Variants in CAMTA1 observed in about 807,000 individuals in gnomAD.
CAMTA1 encodes calmodulin binding transcription activator 1.
In CAMTA1, 27 loss-of-function variants were observed where a neutral mutation model predicts 170.9. The ratio of observed to expected loss-of-function variants is 0.16; its 90% CI spans 0.12 to 0.22. The LOEUF is 0.22. Among genes scored for constraint, CAMTA1 ranks in the 10% least tolerant of loss-of-function variants. CAMTA1 has a pLI of 1.00. For synonymous variants in CAMTA1, 833 were observed against 891.5 expected, an observed-to-expected ratio of 0.93 and a Z score of 1.17; for missense variants, 1,619 against 2,217.2, an observed-to-expected ratio of 0.73 and a Z score of 5.42.
rs367594577 is a variant in CAMTA1 at position 7,745,909 on chromosome 1, G to T, written c.4435G>T (p.Val1479Phe). 2 of 1,614,150 alleles carry T rather than the reference G, an allele frequency of 1.2e-6. No homozygotes were observed. The highest frequency in any genetic ancestry group is 1.7e-6 in the Non-Finnish European group (2 of 1,180,026). The change falls in exon 18 of 23, where the codon GTC becomes TTC. Residue 1479 changes from valine (V) to phenylalanine (F), a missense_variant. Transcript: ENST00000303635. ...NTSLSPVGSP[V>F]SEIAFEKPNL... is the part of the protein sequence containing the mutation. ...CAGCTTGAGCCCTGTTGGCTCTCCC[G>T]TCAGTGAAATCGCTTTCGAGAAACC...
intron 4 of CAMTA1, among the ~76,000 whole-genome samples, chr1:7,164,215 A>G (rs1647888365): frequency 6.6e-6 from 1 of 152,228 alleles, no homozygotes; most frequent in Non-Finnish European, 1.5e-5. Context: ...GGCAAATAAC[A>G]AGGCATGCAA....
At chr1:7,323,135 C>A (rs1320407691) in intron 5 of CAMTA1, among the ~76,000 whole-genome samples, 3 of 151,718 alleles carry the variant, frequency 2.0e-5, no homozygotes, top group Admixed American at 6.6e-5. Flanking sequence ...AAAAAATTAA[C>A]CTTAAAGTAT....
chr1:6,955,704 C>T (rs919702753), intron 3 of CAMTA1, among the ~76,000 whole-genome samples: 9 of 152,126 alleles, frequency 5.9e-5, no homozygotes, highest in Non-Finnish European at 1.0e-4. Context: ...GTAAGATGTT[C>T]ACGGGGCTTA....
intron 5 of CAMTA1, among the ~76,000 whole-genome samples, chr1:7,441,835 A>G (rs766647462): frequency 1.3e-5 from 2 of 152,194 alleles, no homozygotes; most frequent in African/African-American, 2.4e-5. Flanking sequence ...GCCCTGCAGC[A>G]TGGTAGGATC....
chr1:7,240,589 T>A (rs1446594861), intron 4 of CAMTA1, among the ~76,000 whole-genome samples: 1 of 150,060 alleles, frequency 6.7e-6, no homozygotes. Flanking sequence ...TGGTGCTATC[T>A]CGGTTCACTG....
At chr1:6,989,568 C>G (rs769283722) in intron 3 of CAMTA1, among the ~76,000 whole-genome samples, 1 of 152,116 alleles carries the variant, frequency 6.6e-6, no homozygotes, top group Non-Finnish European at 1.5e-5. Context: ...GAGAACTCAC[C>G]GTTCAAGGTA....
chr1:6,946,057 A>G (rs1316294203), intron 3 of CAMTA1, among the ~76,000 whole-genome samples: 1 of 152,148 alleles, frequency 6.6e-6, no homozygotes, highest in East Asian at 1.9e-4. Flanking sequence ...TGGCAACTCC[A>G]TGTTTAACCT....
chr1:7,236,119 A>G (rs1025400531), intron 4 of CAMTA1, among the ~76,000 whole-genome samples: 1 of 152,288 alleles, frequency 6.6e-6, no homozygotes. Flanking sequence ...TTGTCCCCCA[A>G]ATCGTGAAGA....
At chr1:7,245,688 C>G (rs1031875389) in intron 4 of CAMTA1, among the ~76,000 whole-genome samples, 2 of 152,120 alleles carry the variant, frequency 1.3e-5, no homozygotes, top group African/African-American at 4.8e-5. Context: ...CCGTATTTTT[C>G]TTGACATGCC....
chr1:7,270,290 TA>T lies in CAMTA1; in HGVS notation c.438+20665del, dbSNP rs1431369164. ...ACACACACACATATATATATATATA[TA>T]TTTTTTTTTTTTTTTCTTGTGAGAT... On this transcript the variant is annotated intron_variant, in intron 5 of 22. Coordinates refer to ENST00000303635, the MANE Select transcript of CAMTA1 (RefSeq NM_015215.4). Among the ~76,000 whole-genome samples, 630 of 109,128 alleles carry T rather than the reference TA, an allele frequency of 5.8e-3. 17 individuals carry two copies. The highest frequency in any genetic ancestry group is 0.02 in the African/African-American group (476 of 24,274). 71.6% of individuals were successfully genotyped at this position (109,128 alleles called of 152,430 possible). A position where few individuals can be genotyped will look rare whatever the true frequency, so the allele number is the denominator to read the frequency against.
chr1:7,419,885 G>C (rs926609599), intron 5 of CAMTA1, among the ~76,000 whole-genome samples: 2 of 151,878 alleles, frequency 1.3e-5, no homozygotes, highest in African/African-American at 2.4e-5. Context: ...TCTTCCTTCA[G>C]AGTGCTTTCT....
In CAMTA1 at chr1:7,609,649, G is replaced by A. The variant is rs2095510303; in HGVS notation, c.511-30751G>A. On this transcript the variant is annotated intron_variant, in intron 6 of 22. Coordinates refer to ENST00000303635, the MANE Select transcript of CAMTA1 (RefSeq NM_015215.4). This position sits in a 1 kb window ranked among gnomAD's most constrained non-coding sequence, Gnocchi z 4.4. ...TCACCCATGTCCTGGTGACCTTGCT[G>A]AGGACATTGGAGCTCCAGCCTCAAG... Among the ~76,000 whole-genome samples the A allele has an allele frequency of 6.6e-6, 1 of 152,236 alleles. No individual in the cohort carries two copies. Among genetic ancestry groups the A allele is most frequent in the South Asian group, 2.1e-4 (1 of 4,832 alleles).
intron 5 of CAMTA1, among the ~76,000 whole-genome samples, chr1:7,336,404 C>T (rs2083386298): frequency 6.6e-6 from 1 of 152,204 alleles, no homozygotes; most frequent in Non-Finnish European, 1.5e-5. Context: ...CAAACCCAGA[C>T]CAGGCGAATT....
rs1318455588 is a variant in CAMTA1 at position 7,014,454 on chromosome 1, G to T, written c.235-76850G>T. On this transcript the variant is annotated intron_variant, in intron 3 of 22. Transcript: ENST00000303635. The surrounding 1 kb of genome is among the most constrained non-coding windows in gnomAD (Gnocchi z 4.2). ...GGGGATCCCAGCGCCCACTACAAAG[G>T]TGAACTCCTTTTTGCTCCCTGCCCC... 6.6e-6 allele frequency among the ~76,000 whole-genome samples: 1 copy of T among 152,142 alleles called. No homozygotes were observed. The highest frequency in any genetic ancestry group is 2.1e-4 in the South Asian group (1 of 4,828).
In CAMTA1 at chr1:7,366,779, G is replaced by C. The variant is rs182626578; in HGVS notation, c.439-101051G>C. On this transcript the variant is annotated intron_variant, in intron 5 of 22. Coordinates refer to ENST00000303635, the MANE Select transcript of CAMTA1 (RefSeq NM_015215.4). ...CGTTGACAGGAGACTGCAGGAACCCGCCAGCTTGGTTGCTGGCTTCCTGAG... is the reference window on the plus strand; with the variant it reads ...CGTTGACAGGAGACTGCAGGAACCCCCCAGCTTGGTTGCTGGCTTCCTGAG... Among the ~76,000 whole-genome samples, 45 of 152,348 alleles carry C rather than the reference G, an allele frequency of 3.0e-4. 2 individuals carry two copies. Among genetic ancestry groups the C allele is most frequent in the African/African-American group, 9.6e-4 (40 of 41,588 alleles).
intron 4 of CAMTA1, among the ~76,000 whole-genome samples, chr1:7,111,877 T>A (rs56015343): frequency 0.017 from 1,818 of 106,602 alleles, 35 homozygotes; most frequent in African/African-American, 0.064. Context: ...CGGGCAAGAC[T>A]CCATCTCCAA....
chr1:7,133,364 A>G (rs74051138), intron 4 of CAMTA1, among the ~76,000 whole-genome samples: 2,513 of 152,314 alleles, frequency 0.016, 69 homozygotes, highest in African/African-American at 0.054. Flanking sequence ...TCATTGCCGT[A>G]AAATTATTCA....
In CAMTA1 at chr1:7,766,945, G is replaced by A. The variant is rs183056496; in HGVS notation, c.*454G>A. 317 of 154,930 alleles carry A rather than the reference G, an allele frequency of 2.0e-3. 1 individual carries two copies. The highest frequency in any genetic ancestry group is 2.3e-4 in the Non-Finnish European group (16 of 69,508). The allele number at this position is 154,930 out of a possible 1,614,324, so 9.6% of individuals were successfully genotyped here. On this transcript the variant is annotated 3_prime_UTR_variant, in exon 23 of 23. Transcript: ENST00000303635. ...AAAGAATGCTGTTCCTGCACCTGCC[G>A]GTTATTTCCAAGAAGCTGAATCTTT...
At chr1:7,243,418 A>G (rs1357733364) in intron 4 of CAMTA1, among the ~76,000 whole-genome samples, 1 of 152,198 alleles carries the variant, frequency 6.6e-6, no homozygotes, top group African/African-American at 2.4e-5. Flanking sequence ...GGTGTAAGGA[A>G]GGGATCCAGT....
Sources: allele counts gnomAD v4.1 joint callset (sites outside exome capture counted in the v4.1 genomes callset), GRCh38; gene constraint gnomAD v4.1.1; non-coding constraint Gnocchi (gnomAD v3.1); transcripts MANE v1.5; gene names NCBI Gene and HGNC (gene_info 2026-07-23, HGNC 2026-07-21).